The following PXDNL variants were observed in gnomAD, a reference collection of about 807,000 sequenced individuals.
PXDNL encodes peroxidasin like.
A neutral mutation model predicts 150.8 loss-of-function variants in PXDNL; 145 were observed. The ratio of observed to expected loss-of-function variants is 0.96; its 90% CI spans 0.84 to 1.10. PXDNL has a LOEUF of 1.10. Ranked by LOEUF, PXDNL falls within the 50% of genes least tolerant of loss-of-function variation. The probability of loss-of-function intolerance (pLI) is 0.00; values close to 1 mark genes in which losing one functional copy is unlikely to be tolerated. For synonymous variants in PXDNL, 757 were observed against 725.7 expected (o/e 1.04, Z -0.69); for missense variants, 2,087 against 1,873.9 (o/e 1.11, Z -2.10).
chr8:51,694,302 G>A (rs895932255), intron 1 of PXDNL, among the ~76,000 whole-genome samples: 1 of 152,174 alleles, frequency 6.6e-6, no homozygotes, highest in African/African-American at 2.4e-5. Context: ...GGCGGAGGTT[G>A]CACTGAGCCA....
chr8:51,517,101 C>T (rs749356072), intron 4 of PXDNL, among the ~76,000 whole-genome samples: 55 of 152,098 alleles, frequency 3.6e-4, no homozygotes, highest in Non-Finnish European at 2.2e-4. Flanking sequence ...CCTTTCACTA[C>T]GGATGCTCAG....
At chr8:51,485,466 A>AT in intron 5 of PXDNL, among the ~76,000 whole-genome samples, 1 of 152,136 alleles carries the variant, frequency 6.6e-6, no homozygotes, top group Non-Finnish European at 1.5e-5. Context: ...ACATTGTCCG[A>AT]TTTTAGCAAG....
At chr8:51,610,862 A>G (rs1025596964) in intron 2 of PXDNL, among the ~76,000 whole-genome samples, 2 of 152,234 alleles carry the variant, frequency 1.3e-5, no homozygotes, top group South Asian at 2.1e-4. Context: ...TAAAGAGCCC[A>G]TCTGGTTAGG....
intron 17 of PXDNL, among the ~76,000 whole-genome samples, chr8:51,399,024 A>G (rs719162): frequency 0.15 from 22,831 of 152,206 alleles, 2,338 homozygotes; most frequent in East Asian, 0.3. Flanking sequence ...TGAAGATGAC[A>G]GTAGAAAGTC....
chr8:51,723,831 TG>T (rs1816775264), intron 1 of PXDNL, among the ~76,000 whole-genome samples: 1 of 151,890 alleles, frequency 6.6e-6, no homozygotes, highest in African/African-American at 2.4e-5. Context: ...AGTTTACTTT[TG>T]TTGACAATGA....
intron 5 of PXDNL, among the ~76,000 whole-genome samples, chr8:51,487,913 G>C (rs1810803541): frequency 6.6e-6 from 1 of 152,172 alleles, no homozygotes; most frequent in Non-Finnish European, 1.5e-5. Context: ...ACCATTCTAG[G>C]CATTGTGCTG....
chr8:51,396,769 GTAATAA>G (rs1331712649), intron 17 of PXDNL, among the ~76,000 whole-genome samples: 1 of 151,712 alleles, frequency 6.6e-6, no homozygotes, highest in Non-Finnish European at 1.5e-5. Context: ...AAAAATAACG[GTAATAA>G]TAATAATAAT....
intron 4 of PXDNL, among the ~76,000 whole-genome samples, chr8:51,515,689 A>G (rs1276405463): frequency 6.6e-6 from 1 of 152,172 alleles, no homozygotes; most frequent in African/African-American, 2.4e-5. Context: ...TGATCTCTGG[A>G]AAGTAATCAG....
intron 5 of PXDNL, 86 bp from the exon 6 acceptor site, chr8:51,483,800 C>A: frequency 1.3e-6 from 1 of 756,806 alleles, no homozygotes; most frequent in Non-Finnish European, 2.2e-6. Flanking sequence ...ACTGTGAATC[C>A]AATACCTTTT....
chr8:51,530,842 A>T (rs1267663790), intron 4 of PXDNL, among the ~76,000 whole-genome samples: 1 of 152,100 alleles, frequency 6.6e-6, no homozygotes, highest in Non-Finnish European at 1.5e-5. Flanking sequence ...TGCACATATT[A>T]ATGTGTTCCT....
chr8:51,609,481 T>C (rs1268181363), intron 2 of PXDNL, among the ~76,000 whole-genome samples: 1 of 152,158 alleles, frequency 6.6e-6, no homozygotes, highest in African/African-American at 2.4e-5. Context: ...GGAGGGGTGA[T>C]GTCCTGTGAT....
chr8:51,734,926 C>CA (rs1234984186), intron 1 of PXDNL, among the ~76,000 whole-genome samples: 7 of 152,086 alleles, frequency 4.6e-5, no homozygotes, highest in African/African-American at 9.7e-5. Flanking sequence ...AGATGTTGAT[C>CA]AAAGGATATA....
chr8:51,696,672 C>T (rs1243473255), intron 1 of PXDNL, among the ~76,000 whole-genome samples: 5 of 119,068 alleles, frequency 4.2e-5, no homozygotes, highest in African/African-American at 5.6e-5. Flanking sequence ...CACAGGTCCA[C>T]ACACATCCAC....
At chr8:51,805,733 G>A (rs983197421) in intron 1 of PXDNL, among the ~76,000 whole-genome samples, 3 of 152,006 alleles carry the variant, frequency 2.0e-5, no homozygotes, top group African/African-American at 4.8e-5. Context: ...GAAAATCCTC[G>A]ATCATTAAAA....
At chr8:51,746,356 C>T (rs752246156) in intron 1 of PXDNL, among the ~76,000 whole-genome samples, 2 of 152,220 alleles carry the variant, frequency 1.3e-5, no homozygotes, top group Non-Finnish European at 2.9e-5. Flanking sequence ...CCACCAACCA[C>T]GGAACTCCTT....
chr8:51,422,891 A>G (rs1808992750), intron 14 of PXDNL, among the ~76,000 whole-genome samples: 1 of 152,222 alleles, frequency 6.6e-6, no homozygotes, highest in Admixed American at 6.5e-5. Flanking sequence ...ACCTCAGCTG[A>G]GTTTCAGTAC....
chr8:51,330,866 T>C (rs562355591), intron 21 of PXDNL, among the ~76,000 whole-genome samples: 103 of 152,292 alleles, frequency 6.8e-4, no homozygotes, highest in African/African-American at 2.3e-3. Flanking sequence ...GACTAGAGTA[T>C]GACTGATCCT....
intron 5 of PXDNL, among the ~76,000 whole-genome samples, chr8:51,487,414 T>C (rs1810790883): frequency 6.6e-6 from 1 of 151,820 alleles, no homozygotes; most frequent in Non-Finnish European, 1.5e-5. Flanking sequence ...TGAGAAAACT[T>C]CGTGAAATGG....
intron 8 of PXDNL, among the ~76,000 whole-genome samples, chr8:51,471,059 G>A (rs1264318247): frequency 1.6e-5 from 2 of 127,414 alleles, no homozygotes; most frequent in Non-Finnish European, 3.1e-5. Context: ...GCAACCTACA[G>A]AATGGGAGAA....
Sources: gnomAD v4.1 joint callset for allele counts (sites outside exome capture counted in the v4.1 genomes callset) on GRCh38, gnomAD v4.1.1 for gene constraint, MANE v1.5 for transcripts, NCBI Gene and HGNC (gene_info 2026-07-23, HGNC 2026-07-21) for gene names.